The following SPIDR variants were observed in gnomAD, a reference collection of about 807,000 sequenced individuals.
The protein encoded by SPIDR is DNA repair-scaffolding protein.
SPIDR carries 93 observed loss-of-function variants against 104.6 expected under a neutral mutation model. That is an observed-to-expected ratio of 0.89 (90% confidence interval 0.75 to 1.06). The LOEUF is 1.06. Among genes scored for constraint, SPIDR ranks in the 50% least tolerant of loss-of-function variants. SPIDR has a pLI of 0.00. For missense variants in SPIDR, 1,154 were observed against 1,111.2 expected (o/e 1.04, Z -0.55); for synonymous variants, 431 against 416.9 (o/e 1.03, Z -0.41).
chr8:47,508,813 A>C (rs2081884044), intron 8 of SPIDR, among the ~76,000 whole-genome samples: 1 of 152,090 alleles, frequency 6.6e-6, no homozygotes, highest in Non-Finnish European at 1.5e-5. Flanking sequence ...CCTCCGGGAG[A>C]ATGTCCAATA....
chr8:47,616,692 G>A (rs1453354454), intron 10 of SPIDR, among the ~76,000 whole-genome samples: 1 of 152,126 alleles, frequency 6.6e-6, no homozygotes. Flanking sequence ...AAAAGTTTGC[G>A]AAGATAATAC....
intron 10 of SPIDR, among the ~76,000 whole-genome samples, chr8:47,655,518 G>A (rs2072594396): frequency 6.6e-6 from 1 of 152,098 alleles, no homozygotes; most frequent in Non-Finnish European, 1.5e-5. Context: ...CTGCATAAAT[G>A]TCTTCTTTTG....
intron 8 of SPIDR, among the ~76,000 whole-genome samples, chr8:47,551,136 G>T (rs1390886508): frequency 6.6e-6 from 1 of 152,148 alleles, no homozygotes; most frequent in Admixed American, 6.5e-5. Context: ...GCTCGTGGTG[G>T]ATAAGCTTTT....
intron 5 of SPIDR, among the ~76,000 whole-genome samples, chr8:47,369,390 G>C (rs1330734432): frequency 6.6e-6 from 1 of 152,166 alleles, no homozygotes; most frequent in Non-Finnish European, 1.5e-5. Flanking sequence ...AACTGTATTT[G>C]AGACCACAAG....
At chr8:47,402,270 C>CT (rs1554663689) in intron 6 of SPIDR, among the ~76,000 whole-genome samples, 1 of 152,146 alleles carries the variant, frequency 6.6e-6, no homozygotes. Context: ...CTAAAATTAA[C>CT]ACCCTAACAT....
intron 5 of SPIDR, among the ~76,000 whole-genome samples, chr8:47,337,879 T>C (rs2050062919): frequency 1.3e-5 from 2 of 152,184 alleles, no homozygotes; most frequent in Admixed American, 6.6e-5. Flanking sequence ...TTGTGAAAAA[T>C]TAGTTTACTG....
chr8:47,507,442 C>T (rs1183536274), intron 8 of SPIDR, among the ~76,000 whole-genome samples: 1 of 152,242 alleles, frequency 6.6e-6, no homozygotes, highest in Non-Finnish European at 1.5e-5. Flanking sequence ...AGCTGCAAAG[C>T]TGTAACAGCC....
chr8:47,359,964 T>G (rs2055414558), intron 5 of SPIDR, among the ~76,000 whole-genome samples: 1 of 152,138 alleles, frequency 6.6e-6, no homozygotes, highest in African/African-American at 2.4e-5. Context: ...GGGACTGGGC[T>G]GGGTGCAGTG....
At chr8:47,649,297 A>G (rs2071160212) in intron 10 of SPIDR, among the ~76,000 whole-genome samples, 1 of 152,010 alleles carries the variant, frequency 6.6e-6, no homozygotes, top group Non-Finnish European at 1.5e-5. Context: ...ACACAGCATC[A>G]CTTCTGTGTT....
intron 7 of SPIDR, among the ~76,000 whole-genome samples, chr8:47,429,082 A>T (rs988715748): frequency 2.6e-5 from 4 of 152,212 alleles, no homozygotes; most frequent in African/African-American, 4.8e-5. Context: ...CTGTGATACT[A>T]GTTTGTTCAC....
intron 8 of SPIDR, among the ~76,000 whole-genome samples, chr8:47,551,003 C>G (rs1283407883): frequency 1.3e-5 from 2 of 152,096 alleles, no homozygotes; most frequent in Non-Finnish European, 2.9e-5. Flanking sequence ...TGTCAAAGGC[C>G]TTTTCTGCAT....
At chr8:47,474,641 A>G (rs1489442520) in intron 8 of SPIDR, among the ~76,000 whole-genome samples, 1 of 152,238 alleles carries the variant, frequency 6.6e-6, no homozygotes, top group East Asian at 1.9e-4. Flanking sequence ...TCCCTTTTCA[A>G]AGTTGGCTTC....
chr8:47,447,224 G>GT (rs563356994), intron 8 of SPIDR, among the ~76,000 whole-genome samples: 120 of 152,110 alleles, frequency 7.9e-4, no homozygotes, highest in African/African-American at 2.6e-3. Context: ...GTTTTGTTTT[G>GT]TTTTTTTGAG....
intron 8 of SPIDR, among the ~76,000 whole-genome samples, chr8:47,533,708 C>G (rs1286015510): frequency 2.6e-5 from 4 of 152,102 alleles, no homozygotes; most frequent in Non-Finnish European, 5.9e-5. Context: ...AAATCAAAAC[C>G]ACAATTACAT....
chr8:47,544,488 ACT>A (rs1469006832), intron 8 of SPIDR, among the ~76,000 whole-genome samples: 1 of 151,956 alleles, frequency 6.6e-6, no homozygotes, highest in Non-Finnish European at 1.5e-5. Context: ...TTTGTATTTA[ACT>A]CTATGATCTA....
chr8:47,535,318 A>G (rs886107206), intron 8 of SPIDR, among the ~76,000 whole-genome samples: 11 of 152,234 alleles, frequency 7.2e-5, no homozygotes, highest in African/African-American at 2.7e-4. Flanking sequence ...CACTAAGTGC[A>G]GGAGCAAGAC....
At chr8:47,431,121 G>A (rs2067288282) in intron 7 of SPIDR, among the ~76,000 whole-genome samples, 1 of 152,194 alleles carries the variant, frequency 6.6e-6, no homozygotes, top group Non-Finnish European at 1.5e-5. Context: ...GTGGAGTCCT[G>A]GTGAGAGCCC....
intron 5 of SPIDR, among the ~76,000 whole-genome samples, chr8:47,362,950 G>T (rs2056373523): frequency 6.6e-6 from 1 of 150,840 alleles, no homozygotes; most frequent in African/African-American, 2.4e-5. Flanking sequence ...ACCACGCCCA[G>T]CCAGTGTTCT....
At chr8:47,485,655 G>C (rs782178970) in intron 8 of SPIDR, among the ~76,000 whole-genome samples, 1 of 152,284 alleles carries the variant, frequency 6.6e-6, no homozygotes, top group Non-Finnish European at 1.5e-5. Context: ...CTGAGACAAA[G>C]CTTCCAGAGG....
Sources: gnomAD v4.1 joint callset for allele counts (sites outside exome capture counted in the v4.1 genomes callset) on GRCh38, gnomAD v4.1.1 for gene constraint, MANE v1.5 for transcripts, NCBI Gene and HGNC (gene_info 2026-07-23, HGNC 2026-07-21) for gene names.